The following KCMF1 variants were observed in gnomAD, a reference collection of about 807,000 sequenced individuals.
The protein encoded by KCMF1 is E3 ubiquitin-protein ligase KCMF1.
Under a neutral mutation model 41.1 loss-of-function variants are expected in KCMF1, and 3 were observed. That is an observed-to-expected ratio of 0.07 (90% confidence interval 0.03 to 0.19). The LOEUF (loss-of-function observed/expected upper bound fraction) is 0.19. KCMF1 is among the 10% of genes least tolerant of loss of function. The pLI is 1.00. For missense variants in KCMF1, 286 were observed against 488.9 expected, an observed-to-expected ratio of 0.58 and a Z score of 3.91; for synonymous variants, 142 against 164.5, an observed-to-expected ratio of 0.86 and a Z score of 1.04.
chr2:85,049,028 A>G (rs1015879488), intron 5 of KCMF1, among the ~76,000 whole-genome samples: 5 of 152,254 alleles, frequency 3.3e-5, no homozygotes, highest in South Asian at 2.1e-4. Context: ...GAGAGAGCTT[A>G]TATTATAATT....
At chr2:85,041,091 A>G (rs1016820385) in intron 3 of KCMF1, among the ~76,000 whole-genome samples, 1 of 152,060 alleles carries the variant, frequency 6.6e-6, no homozygotes, top group Admixed American at 6.6e-5. Flanking sequence ...CCAGCTGTCA[A>G]CCTGGGTGAT....
intron 1 of KCMF1, among the ~76,000 whole-genome samples, chr2:84,977,591 T>C (rs1673582804): frequency 2.0e-5 from 3 of 151,836 alleles, no homozygotes; most frequent in Non-Finnish European, 4.4e-5. Context: ...GACTTTTTTT[T>C]TTTTTCTTTT....
intron 1 of KCMF1, among the ~76,000 whole-genome samples, chr2:85,018,322 G>A (rs1276175555): frequency 6.8e-6 from 1 of 146,156 alleles, no homozygotes; most frequent in Non-Finnish European, 1.5e-5. Context: ...CCAGACTGGA[G>A]TGCAGTGCGC....
At chr2:85,052,310 A>G (rs1334606014) in intron 6 of KCMF1, among the ~76,000 whole-genome samples, 1 of 152,162 alleles carries the variant, frequency 6.6e-6, no homozygotes, top group African/African-American at 2.4e-5. Flanking sequence ...ACCTCAGGTG[A>G]TCCGCCCGCC....
rs541881086 is a variant in KCMF1, at chr2:85,029,745, C to T, written c.184+1689C>T. Among the ~76,000 whole-genome samples, 246 of 148,528 alleles carry T rather than the reference C, an allele frequency of 1.7e-3. 1 individual carries two copies. Among genetic ancestry groups the T allele is most frequent in the African/African-American group, 5.9e-3 (237 of 40,194 alleles). On this transcript the variant is annotated intron_variant, in intron 2 of 6. Transcript: ENST00000409785. ...CGCCTAGGCTGGAGTGCAATGGCGCCATCTCAGCTCACTGCAACCTCCACC... is the reference window on the plus strand; with the variant it reads ...CGCCTAGGCTGGAGTGCAATGGCGCTATCTCAGCTCACTGCAACCTCCACC...
chr2:85,010,432 G>GGCC (rs1674624147), intron 1 of KCMF1, among the ~76,000 whole-genome samples: 1 of 152,198 alleles, frequency 6.6e-6, no homozygotes, highest in Admixed American at 6.5e-5. Context: ...TTGCCTCACT[G>GGCC]TACTCCAGCC....
intron 1 of KCMF1, among the ~76,000 whole-genome samples, chr2:84,975,926 C>G (rs1237078972): frequency 6.6e-6 from 1 of 152,162 alleles, no homozygotes. Flanking sequence ...CATGTGTCGC[C>G]TTAAATCATT....
chr2:85,016,814 C>T (rs980881409), intron 1 of KCMF1, among the ~76,000 whole-genome samples: 13 of 151,612 alleles, frequency 8.6e-5, no homozygotes, highest in Non-Finnish European at 1.2e-4. Flanking sequence ...CTCAGTCTCC[C>T]GAGTAACTGG....
At chr2:85,025,674 C>T (rs56026694) in intron 1 of KCMF1, among the ~76,000 whole-genome samples, 17,892 of 150,526 alleles carry the variant, frequency 0.12, 1,432 homozygotes, top group East Asian at 0.35. Context: ...AGTGGCGCAA[C>T]CTCAGCTTAC....
chr2:84,985,456 A>G (rs1216180653), intron 1 of KCMF1, among the ~76,000 whole-genome samples: 1 of 151,850 alleles, frequency 6.6e-6, no homozygotes, highest in Non-Finnish European at 1.5e-5. Flanking sequence ...GACCCCTGTT[A>G]CTCTATTACT....
chr2:84,989,231 A>G (rs1673978498), intron 1 of KCMF1, among the ~76,000 whole-genome samples: 1 of 152,214 alleles, frequency 6.6e-6, no homozygotes, highest in Non-Finnish European at 1.5e-5. Context: ...ACAGTGTAGT[A>G]AGAACTGTAA....
At chr2:85,003,519 G>A (rs537909758) in intron 1 of KCMF1, among the ~76,000 whole-genome samples, 15 of 151,776 alleles carry the variant, frequency 9.9e-5, no homozygotes, top group African/African-American at 1.4e-4. Context: ...CGTTTGCCTC[G>A]CTTCAATCTC....
At chr2:84,981,892 G>A (rs1237715552) in intron 1 of KCMF1, among the ~76,000 whole-genome samples, 1 of 152,024 alleles carries the variant, frequency 6.6e-6, no homozygotes, top group Non-Finnish European at 1.5e-5. Context: ...TGATTCTCCT[G>A]CCTCAGCCTC....
At chr2:84,995,536 C>G (rs1674157892) in intron 1 of KCMF1, among the ~76,000 whole-genome samples, 1 of 152,050 alleles carries the variant, frequency 6.6e-6, no homozygotes, top group South Asian at 2.1e-4. Context: ...TCAGGCTGTT[C>G]CTTTATTGTC....
intron 1 of KCMF1, among the ~76,000 whole-genome samples, chr2:84,975,603 C>T (rs1673525402): frequency 6.6e-6 from 1 of 152,148 alleles, no homozygotes; most frequent in Admixed American, 6.5e-5. Flanking sequence ...ACTTTTAACT[C>T]ACTTTGTGGT....
chr2:85,013,615 T>A (rs1674698707), intron 1 of KCMF1, among the ~76,000 whole-genome samples: 1 of 151,958 alleles, frequency 6.6e-6, no homozygotes, highest in African/African-American at 2.4e-5. Context: ...CTGGCCAGCA[T>A]GGTGAAACCC....
chr2:85,015,920 T>C (rs1353558737), intron 1 of KCMF1, among the ~76,000 whole-genome samples: 1 of 152,200 alleles, frequency 6.6e-6, no homozygotes. Context: ...TCAGCAAATA[T>C]TTTTGTTCAC....
chr2:85,035,092 C>T lies in KCMF1; in HGVS notation c.261C>T (p.Gly87=), dbSNP rs771249597. 2 of 1,613,224 alleles carry T rather than the reference C, an allele frequency of 1.2e-6. No homozygotes were observed. The highest frequency in any genetic ancestry group is 1.7e-6 in the Non-Finnish European group (2 of 1,179,332). ...CTTGTCCCTATTGTGGAAAAATGGG[C>T]TATACGGAGACATCTCTTCAAGAAC... ...SFTCPYCGKM[G]YTETSLQEHV... is the part of the protein sequence containing the mutation. The change falls in exon 3 of 7, where the codon GGC becomes GGT. Residue 87 remains glycine (G), a synonymous_variant. Transcript: ENST00000409785.
At chr2:84,991,341 G>GT (rs1037810940) in intron 1 of KCMF1, among the ~76,000 whole-genome samples, 37 of 152,222 alleles carry the variant, frequency 2.4e-4, no homozygotes. Context: ...AGATGTTCAA[G>GT]TGGAGATGTT....
Sources: allele counts gnomAD v4.1 joint callset (sites outside exome capture counted in the v4.1 genomes callset), GRCh38; gene constraint gnomAD v4.1.1; transcripts MANE v1.5; gene names NCBI Gene and HGNC (gene_info 2026-07-23, HGNC 2026-07-21).